GNAT3: variants seen among roughly 807,000 people sequenced by gnomAD.
GNAT3 encodes G protein subunit alpha transducin 3, also known as guanine nucleotide-binding protein G(t) subunit alpha-3.
Under a neutral mutation model 37.7 loss-of-function variants are expected in GNAT3, and 31 were observed. The observed-to-expected ratio is 0.82, with a 90% CI of 0.62 to 1.11. GNAT3 has a LOEUF of 1.11. Among genes scored for constraint, GNAT3 ranks in the 50% most tolerant of loss-of-function variants. The pLI is 0.00. For synonymous variants in GNAT3, 138 were observed against 139.8 expected (o/e 0.99, Z 0.09); for missense variants, 437 against 412.5 (o/e 1.06, Z -0.51).
intron 7 of GNAT3, among the ~76,000 whole-genome samples, chr7:80,460,972 C>G (rs1379240081): frequency 6.6e-6 from 1 of 151,170 alleles, no homozygotes; most frequent in Admixed American, 6.6e-5. Context: ...GAAATAAGTC[C>G]TGTTATATAT....
At chr7:80,501,321 T>G (rs1328676711) in intron 1 of GNAT3, among the ~76,000 whole-genome samples, 1 of 152,096 alleles carries the variant, frequency 6.6e-6, no homozygotes, top group East Asian at 1.9e-4. Context: ...CTCATATGTA[T>G]GTATACATTT....
chr7:80,479,066 G>A, intron 3 of GNAT3, 68 bp from the exon 4 acceptor site: 3 of 1,014,454 alleles, frequency 3.0e-6, no homozygotes, highest in Non-Finnish European at 2.9e-6. Context: ...TTCTAATAGA[G>A]TAATTTACTG....
chr7:80,496,847 A>G (rs1037894902), intron 1 of GNAT3, among the ~76,000 whole-genome samples: 2 of 149,142 alleles, frequency 1.3e-5, no homozygotes, highest in East Asian at 3.9e-4. Context: ...ATTCAGGACA[A>G]CTTTTCTTTT....
intron 4 of GNAT3, among the ~76,000 whole-genome samples, chr7:80,477,311 T>G (rs947422649): frequency 6.6e-6 from 1 of 152,172 alleles, no homozygotes; most frequent in Non-Finnish European, 1.5e-5. Context: ...TATTCCACAA[T>G]TCAGCTTCTT....
At chr7:80,502,484 G>C (rs2116224593) in intron 1 of GNAT3, among the ~76,000 whole-genome samples, 1 of 152,122 alleles carries the variant, frequency 6.6e-6, no homozygotes. Flanking sequence ...TGTGGGAATA[G>C]TCATGTATAC....
chr7:80,511,550 A>G (rs929680186), intron 1 of GNAT3, among the ~76,000 whole-genome samples: 1 of 152,260 alleles, frequency 6.6e-6, no homozygotes, highest in Admixed American at 6.5e-5. Flanking sequence ...TATTTTAATA[A>G]TAGTAAACCA....
chr7:80,478,962 G>C lies in GNAT3; in HGVS notation c.340C>G (p.Leu114Val). 1 of 1,612,788 alleles carries C rather than the reference G, an allele frequency of 6.2e-7. No individual in the cohort carries two copies. The highest frequency in any genetic ancestry group is 1.1e-5 in the South Asian group (1 of 90,964). ...QRQLYAMANT[L>V]EDGGMTPQLA... ...TGAGGTGTCATGCCACCATCTTCCA[G>C]GGTATTTGCCATTGCATAAAGTTGT... The change falls in exon 4 of 8, where the codon CTG (leucine) becomes GTG (valine). Residue 114 changes from leucine (L) to valine (V), a missense_variant. By Grantham distance (32) the Leu-to-Val change is conservative. Coordinates refer to ENST00000398291, the MANE Select transcript of GNAT3 (RefSeq NM_001102386.3).
At chr7:80,501,714 T>C (rs983572696) in intron 1 of GNAT3, among the ~76,000 whole-genome samples, 1 of 151,934 alleles carries the variant, frequency 6.6e-6, no homozygotes, top group African/African-American at 2.4e-5. Flanking sequence ...CTAAGACAAT[T>C]TTCTAAATAT....
chr7:80,506,625 C>A (rs1790946855), intron 1 of GNAT3, among the ~76,000 whole-genome samples: 1 of 152,126 alleles, frequency 6.6e-6, no homozygotes, highest in Non-Finnish European at 1.5e-5. Flanking sequence ...CCAAGTAGGT[C>A]TTTTCTGCCT....
intron 1 of GNAT3, among the ~76,000 whole-genome samples, chr7:80,510,958 C>T (rs1472875611): frequency 6.6e-6 from 1 of 152,004 alleles, no homozygotes; most frequent in Non-Finnish European, 1.5e-5. Context: ...GGAGAAAGTA[C>T]AACTCATAAT....
intron 3 of GNAT3, among the ~76,000 whole-genome samples, chr7:80,484,196 T>C (rs1021652174): frequency 1.3e-5 from 2 of 152,096 alleles, no homozygotes; most frequent in Non-Finnish European, 2.9e-5. Flanking sequence ...TCCCAGGTGG[T>C]CTTAGAACTT....
intron 1 of GNAT3, among the ~76,000 whole-genome samples, chr7:80,501,462 G>T (rs1375644888): frequency 2.0e-5 from 3 of 151,838 alleles, no homozygotes; most frequent in African/African-American, 7.2e-5. Flanking sequence ...AATACTATTT[G>T]CATGCTTAAG....
intron 3 of GNAT3, among the ~76,000 whole-genome samples, chr7:80,488,233 A>G (rs1790525854): frequency 6.6e-6 from 1 of 152,168 alleles, no homozygotes; most frequent in African/African-American, 2.4e-5. Context: ...TGTTTATGCC[A>G]TAAATTCTTT....
intron 3 of GNAT3, among the ~76,000 whole-genome samples, chr7:80,481,083 A>C (rs945880205): frequency 6.6e-6 from 1 of 152,132 alleles, no homozygotes; most frequent in Non-Finnish European, 1.5e-5. Context: ...CATTTTATCA[A>C]AAATCTGTTC....
At chr7:80,466,667 C>T (rs1453261652) in intron 5 of GNAT3, among the ~76,000 whole-genome samples, 1 of 152,056 alleles carries the variant, frequency 6.6e-6, no homozygotes, top group African/African-American at 2.4e-5. Context: ...TCATATACTT[C>T]CTACATATTT....
chr7:80,477,377 A>T (rs1196038811), intron 4 of GNAT3, among the ~76,000 whole-genome samples: 1 of 152,140 alleles, frequency 6.6e-6, no homozygotes, highest in East Asian at 1.9e-4. Flanking sequence ...GTTTTACTCC[A>T]CTGCAGAGAT....
At chr7:80,470,478 C>CTCAAAGTGCTGGGAT (rs1790195481) in intron 5 of GNAT3, among the ~76,000 whole-genome samples, 1 of 152,206 alleles carries the variant, frequency 6.6e-6, no homozygotes, top group African/African-American at 2.4e-5. Context: ...GCCTCGGCCT[C>CTCAAAGTGCTGGGAT]TCAAAGTGCT....
At chr7:80,494,121 G>A (rs11982052) in intron 2 of GNAT3, among the ~76,000 whole-genome samples, 18,450 of 152,054 alleles carry the variant, frequency 0.12, 3,041 homozygotes, top group African/African-American at 0.38. Context: ...CCTTATTAAG[G>A]AATTCAGGTC....
At chr7:80,472,372 G>A (rs973859632) in intron 5 of GNAT3, among the ~76,000 whole-genome samples, 3 of 152,124 alleles carry the variant, frequency 2.0e-5, no homozygotes, top group African/African-American at 7.2e-5. Context: ...ACATTTATGA[G>A]CATGCTGCAG....
Sources: gnomAD v4.1 joint callset for allele counts (sites outside exome capture counted in the v4.1 genomes callset) on GRCh38, gnomAD v4.1.1 for gene constraint, MANE v1.5 for transcripts, NCBI Gene and HGNC (gene_info 2026-07-23, HGNC 2026-07-21) for gene names.